LDLRAD4: variants seen among roughly 807,000 people sequenced by gnomAD.
The protein encoded by LDLRAD4 is low density lipoprotein receptor class A domain containing 4, also known as low-density lipoprotein receptor class A domain-containing protein 4.
In LDLRAD4, 5 loss-of-function variants were observed where a neutral mutation model predicts 17.0. The observed-to-expected ratio is 0.29, with a 90% CI of 0.15 to 0.62. LDLRAD4 has a LOEUF of 0.62. Among genes scored for constraint, LDLRAD4 ranks in the 20% least tolerant of loss-of-function variants. The pLI is 0.84. For missense variants in LDLRAD4, 340 were observed against 424.7 expected, an observed-to-expected ratio of 0.80 and a Z score of 1.75; for synonymous variants, 168 against 171.8, an observed-to-expected ratio of 0.98 and a Z score of 0.17.
At chr18:13,452,809 A>G (rs1339229204) in intron 3 of LDLRAD4, among the ~76,000 whole-genome samples, 1 of 152,188 alleles carries the variant, frequency 6.6e-6, no homozygotes, top group Non-Finnish European at 1.5e-5. Flanking sequence ...ACCATATGTG[A>G]TAAGAACTCA....
intron 1 of LDLRAD4, among the ~76,000 whole-genome samples, chr18:13,238,318 G>A (rs1369395652): frequency 6.6e-6 from 1 of 152,146 alleles, no homozygotes; most frequent in Non-Finnish European, 1.5e-5. Flanking sequence ...TCTGCTGTTG[G>A]GCTGGTCCCC....
At chr18:13,321,448 T>A (rs1300637521) in intron 1 of LDLRAD4, among the ~76,000 whole-genome samples, 1 of 152,248 alleles carries the variant, frequency 6.6e-6, no homozygotes, top group African/African-American at 2.4e-5. Flanking sequence ...TTTAAGTGGT[T>A]GTTTACAGCT....
intron 3 of LDLRAD4, among the ~76,000 whole-genome samples, chr18:13,555,115 CAG>C (rs2094471584): frequency 1.3e-5 from 2 of 152,158 alleles, no homozygotes; most frequent in South Asian, 4.2e-4. Context: ...TCATCAAAAA[CAG>C]AGTCAAAGAC....
At position 13,435,197 on chromosome 18, in the gene LDLRAD4, C is replaced by A. The variant is rs566733567; in HGVS notation, c.41-3047C>A. Among the ~76,000 whole-genome samples, 26 of 152,342 alleles carry A rather than the reference C, an allele frequency of 1.7e-4. No individual in the cohort carries two copies. In the South Asian group the frequency reaches 5.4e-3, roughly 32 times the overall value. Reference sequence around the variant, plus strand: ...AGGTGGAAGCCTGCCTCTGTCAACACCAGTTTTGTTAAGTTGGACAGATAT... The same window carrying A: ...AGGTGGAAGCCTGCCTCTGTCAACAACAGTTTTGTTAAGTTGGACAGATAT... On this transcript the variant is annotated intron_variant, in intron 2 of 5. Coordinates refer to ENST00000359446, the Ensembl canonical transcript of LDLRAD4.
intron 4 of LDLRAD4, among the ~76,000 whole-genome samples, chr18:13,628,889 G>A (rs558028529): frequency 8.5e-5 from 13 of 152,294 alleles, no homozygotes; most frequent in Non-Finnish European, 1.3e-4. Flanking sequence ...GGAGTATAGT[G>A]GCATGATCAT....
chr18:13,645,264 C>T lies in LDLRAD4; in HGVS notation c.528C>T (p.Asp176=), dbSNP rs760037464. Reference sequence around the variant, plus strand: ...TTCCTCCCACCATCTCCCTGTCCGACGGTGAAGAGCCACCTCCTTACCAGG... The same window carrying T: ...TTCCTCCCACCATCTCCCTGTCCGATGGTGAAGAGCCACCTCCTTACCAGG... The change falls in exon 6 of 6, where the codon GAC becomes GAT. Residue 176 remains aspartate, a synonymous_variant. Transcript: ENST00000359446. The surrounding 1 kb of genome is among the most constrained non-coding windows in gnomAD (Gnocchi z 5.7). 9 of 1,614,190 alleles carry T rather than the reference C, an allele frequency of 5.6e-6. No homozygotes were observed. Among genetic ancestry groups the T allele is most frequent in the Admixed American group, 3.3e-5 (2 of 60,030 alleles).
intron 3 of LDLRAD4, among the ~76,000 whole-genome samples, chr18:13,508,646 A>G (rs2093731363): frequency 6.6e-6 from 1 of 152,190 alleles, no homozygotes. Context: ...TCTAAAATAG[A>G]TCCATAGATG....
At chr18:13,253,439 C>G (rs1455956591) in intron 1 of LDLRAD4, among the ~76,000 whole-genome samples, 2 of 152,190 alleles carry the variant, frequency 1.3e-5, no homozygotes, top group African/African-American at 2.4e-5. Context: ...CTTTTCCACA[C>G]CTCCGCTTGA....
At chr18:13,477,111 G>A (rs61074116) in intron 3 of LDLRAD4, among the ~76,000 whole-genome samples, 1 of 146,538 alleles carries the variant, frequency 6.8e-6, no homozygotes, top group South Asian at 2.1e-4. Flanking sequence ...ATTTTTCTGT[G>A]GTAAAGAATG....
Position 13,443,219 on chromosome 18 carries a change from G to A in LDLRAD4, c.181+4835G>A, listed in dbSNP as rs146996709. ...AATCTGAGCTGATTATTTTACTTCC[G>A]AAACCAGCTCTTCCCACCTTCGTCA... On this transcript the variant is annotated intron_variant, in intron 3 of 5. Coordinates refer to ENST00000359446, the Ensembl canonical transcript of LDLRAD4. 2.5e-3 allele frequency among the ~76,000 whole-genome samples: 385 copies of A among 152,146 alleles called. 3 individuals carry two copies. The highest frequency in any genetic ancestry group is 8.7e-3 in the African/African-American group (363 of 41,494).
chr18:13,409,519 C>T (rs1354745039), intron 2 of LDLRAD4, among the ~76,000 whole-genome samples: 1 of 152,246 alleles, frequency 6.6e-6, no homozygotes, highest in African/African-American at 2.4e-5. Flanking sequence ...CCTATTGTAT[C>T]TTATGTGCAA....
At chr18:13,611,089 T>C (rs76532494) in intron 3 of LDLRAD4, 4,803 of 154,492 alleles carry the variant, frequency 0.031, 109 homozygotes, top group South Asian at 0.051. Flanking sequence ...GAGAAAGTGA[T>C]GTCTTCTAGC....
At chr18:13,629,331 T>C (rs2041458126) in intron 4 of LDLRAD4, among the ~76,000 whole-genome samples, 1 of 152,178 alleles carries the variant, frequency 6.6e-6, no homozygotes, top group Non-Finnish European at 1.5e-5. Flanking sequence ...ACAATTTTGG[T>C]GCAAAGGCAA....
intron 3 of LDLRAD4, among the ~76,000 whole-genome samples, chr18:13,616,837 A>G (rs8089767): frequency 0.099 from 14,997 of 152,224 alleles, 2,187 homozygotes; most frequent in African/African-American, 0.32. Flanking sequence ...CAGGCTCCTG[A>G]GGACAGTGTT....
intron 1 of LDLRAD4, among the ~76,000 whole-genome samples, chr18:13,362,993 T>G (rs536959606): frequency 1.3e-5 from 2 of 152,120 alleles, no homozygotes; most frequent in Non-Finnish European, 2.9e-5. Context: ...ATCAGGTTAG[T>G]CATAAAAATG....
upstream of LDLRAD4, among the ~76,000 whole-genome samples, chr18:13,273,411 C>T (rs1355488146): frequency 6.6e-6 from 1 of 152,172 alleles, no homozygotes; most frequent in Admixed American, 6.5e-5. Context: ...AGAGATCCTC[C>T]CGCCTCAGCT....
chr18:13,422,478 CT>C (rs1158497909), intron 2 of LDLRAD4, among the ~76,000 whole-genome samples: 5 of 151,648 alleles, frequency 3.3e-5, no homozygotes, highest in Non-Finnish European at 7.4e-5. Flanking sequence ...GGGAGGATCA[CT>C]TGAGGCCAGG....
At position 13,232,616 on chromosome 18, in the gene LDLRAD4, G is replaced by A. The variant is rs117637131; in HGVS notation, c.-467+13628G>A. Among the ~76,000 whole-genome samples the A allele has an allele frequency of 4.8e-3, 724 of 152,150 alleles. 12 individuals are homozygous for A. The highest frequency in any genetic ancestry group is 0.035 in the East Asian group (180 of 5,148). ...AGCCTCTATGTCACCTCGTGCTGCC[G>A]CATCCCTTCCCCAGCTCAGCTATTC... On this transcript the variant is annotated intron_variant, in intron 1 of 5. Transcript: ENST00000399848.
chr18:13,390,142 G>A (rs1287584142), intron 2 of LDLRAD4, among the ~76,000 whole-genome samples: 3 of 152,158 alleles, frequency 2.0e-5, no homozygotes, highest in Non-Finnish European at 4.4e-5. Flanking sequence ...AGAATACTTT[G>A]GCTCCTCTCT....
Sources: allele counts gnomAD v4.1 joint callset (sites outside exome capture counted in the v4.1 genomes callset), GRCh38; gene constraint gnomAD v4.1.1; non-coding constraint Gnocchi (gnomAD v3.1); transcripts MANE v1.5; gene names NCBI Gene and HGNC (gene_info 2026-07-23, HGNC 2026-07-21).